Variants in FBXL7 observed in about 807,000 individuals in gnomAD.
FBXL7 encodes the protein F-box/LRR-repeat protein 7.
In FBXL7, 12 loss-of-function variants were observed where a neutral mutation model predicts 38.3. The ratio of observed to expected loss-of-function variants is 0.31; its 90% CI spans 0.20 to 0.51. The LOEUF (loss-of-function observed/expected upper bound fraction) is 0.51. FBXL7 is among the 20% of genes least tolerant of loss of function. FBXL7 has a pLI of 0.98. For synonymous variants in FBXL7, 297 were observed against 300.9 expected, an observed-to-expected ratio of 0.99 and a Z score of 0.13; for missense variants, 567 against 676.4, an observed-to-expected ratio of 0.84 and a Z score of 1.79.
chr5:15,827,730 G>A (rs899644413), intron 2 of FBXL7, among the ~76,000 whole-genome samples: 1 of 152,132 alleles, frequency 6.6e-6, no homozygotes, highest in Admixed American at 6.5e-5. Flanking sequence ...CATTATAATG[G>A]CAATCAGATC....
chr5:15,644,606 G>A (rs761138608), intron 2 of FBXL7, among the ~76,000 whole-genome samples: 1 of 152,104 alleles, frequency 6.6e-6, no homozygotes, highest in Non-Finnish European at 1.5e-5. Context: ...TTTATTTCTA[G>A]GGGAACACTC....
intron 2 of FBXL7, among the ~76,000 whole-genome samples, chr5:15,768,138 G>A (rs778751230): frequency 6.6e-6 from 1 of 152,158 alleles, no homozygotes; most frequent in African/African-American, 2.4e-5. Context: ...AAATGAATAC[G>A]TTCAAGTGAT....
chr5:15,581,490 C>T (rs1739139222), intron 1 of FBXL7, among the ~76,000 whole-genome samples: 1 of 152,160 alleles, frequency 6.6e-6, no homozygotes, highest in African/African-American at 2.4e-5. Flanking sequence ...ATGTGTTCAG[C>T]ATGCTGCCTT....
Position 15,723,142 on chromosome 5 carries a change from G to C in FBXL7, c.127+107070G>C, listed in dbSNP as rs6881534. On this transcript the variant is annotated intron_variant, in intron 2 of 3. Transcript: ENST00000504595. ...TACTGATTTTTGCTGAGTCTTGTAT[G>C]AGTAGCCAAGCTGTGGAATTATGAT... Among the ~76,000 whole-genome samples the C allele has an allele frequency of 2.3e-3, 348 of 152,202 alleles. 3 individuals carry two copies. Among genetic ancestry groups the C allele is most frequent in the African/African-American group, 8.0e-3 (332 of 41,528 alleles).
intron 2 of FBXL7, among the ~76,000 whole-genome samples, chr5:15,820,514 A>G (rs1738141618): frequency 6.6e-6 from 1 of 152,046 alleles, no homozygotes; most frequent in African/African-American, 2.4e-5. Context: ...GTCAAGCCCC[A>G]TGCAAGATGC....
chr5:15,775,025 G>A (rs1736823345), intron 2 of FBXL7, among the ~76,000 whole-genome samples: 2 of 152,284 alleles, frequency 1.3e-5, no homozygotes, highest in South Asian at 2.1e-4. Flanking sequence ...AGATCACCAG[G>A]TAGAAAACAG....
chr5:15,821,147 T>G (rs1164269702), intron 2 of FBXL7, among the ~76,000 whole-genome samples: 2 of 152,238 alleles, frequency 1.3e-5, no homozygotes, highest in Admixed American at 6.5e-5. Flanking sequence ...ATTGTGAGTT[T>G]ATTTCCAAAG....
chr5:15,621,339 A>G (rs1342729691), intron 2 of FBXL7, among the ~76,000 whole-genome samples: 2 of 152,214 alleles, frequency 1.3e-5, no homozygotes, highest in African/African-American at 4.8e-5. Flanking sequence ...TTTTCCCAAC[A>G]TAATCTACAT....
chr5:15,640,555 G>T (rs1370126534), intron 2 of FBXL7, among the ~76,000 whole-genome samples: 1 of 147,338 alleles, frequency 6.8e-6, no homozygotes, highest in Non-Finnish European at 1.5e-5. Context: ...AGGGAGTCTT[G>T]CTCTGTTGCC....
At chr5:15,819,319 G>A (rs1738106768) in intron 2 of FBXL7, among the ~76,000 whole-genome samples, 1 of 151,812 alleles carries the variant, frequency 6.6e-6, no homozygotes, top group Non-Finnish European at 1.5e-5. Context: ...TGAAAGAGTT[G>A]TGGCTCCATA....
At chr5:15,659,137 G>A (rs1228872541) in intron 2 of FBXL7, among the ~76,000 whole-genome samples, 8 of 152,016 alleles carry the variant, frequency 5.3e-5, no homozygotes, top group African/African-American at 1.5e-4. Flanking sequence ...GTGGGAGAAC[G>A]GACTGATACA....
At chr5:15,780,038 G>A (rs1444807271) in intron 2 of FBXL7, among the ~76,000 whole-genome samples, 1 of 152,162 alleles carries the variant, frequency 6.6e-6, no homozygotes, top group African/African-American at 2.4e-5. Flanking sequence ...AATATGTTAA[G>A]TGATTTCTCT....
At chr5:15,627,058 T>A (rs1740845301) in intron 2 of FBXL7, among the ~76,000 whole-genome samples, 1 of 152,172 alleles carries the variant, frequency 6.6e-6, no homozygotes. Flanking sequence ...TAATAATGAT[T>A]TCGGTGGAGC....
intron 3 of FBXL7, among the ~76,000 whole-genome samples, chr5:15,933,307 T>C (rs924352835): frequency 6.6e-6 from 1 of 152,224 alleles, no homozygotes; most frequent in Non-Finnish European, 1.5e-5. Flanking sequence ...AAAAGCAAAG[T>C]ATACATTTTC....
At chr5:15,564,884 C>T (rs1003324008) in intron 1 of FBXL7, among the ~76,000 whole-genome samples, 7 of 151,910 alleles carry the variant, frequency 4.6e-5, no homozygotes, top group African/African-American at 1.7e-4. Flanking sequence ...ATTAAAAGCT[C>T]CACTAACAGT....
intron 1 of FBXL7, among the ~76,000 whole-genome samples, chr5:15,530,937 C>A (rs1331344855): frequency 6.6e-6 from 1 of 152,206 alleles, no homozygotes; most frequent in Admixed American, 6.5e-5. Context: ...AAAGAAAACA[C>A]TGTCATTGAC....
chr5:15,816,896 A>G (rs1216344502), intron 2 of FBXL7, among the ~76,000 whole-genome samples: 6 of 152,232 alleles, frequency 3.9e-5, no homozygotes, highest in Admixed American at 3.3e-4. Context: ...TTTTGTCAAC[A>G]AAACAAATCC....
At chr5:15,776,805 TA>T (rs757768026) in intron 2 of FBXL7, among the ~76,000 whole-genome samples, 31 of 152,148 alleles carry the variant, frequency 2.0e-4, no homozygotes, top group Non-Finnish European at 3.5e-4. Flanking sequence ...TGTTTATACA[TA>T]ACAATGGATA....
chr5:15,646,658 T>C (rs1048297858), intron 2 of FBXL7, among the ~76,000 whole-genome samples: 2 of 152,350 alleles, frequency 1.3e-5, no homozygotes, highest in Admixed American at 6.5e-5. Context: ...ATTTAGCTTA[T>C]TTTGTTGTTT....
Sources: allele counts gnomAD v4.1 joint callset (sites outside exome capture counted in the v4.1 genomes callset), GRCh38; gene constraint gnomAD v4.1.1; transcripts MANE v1.5; gene names NCBI Gene and HGNC (gene_info 2026-07-23, HGNC 2026-07-21).